The following PRELID2 variants were observed in gnomAD, a reference collection of about 807,000 sequenced individuals.
The protein encoded by PRELID2 is PRELI domain-containing protein 2.
In PRELID2, 25 loss-of-function variants were observed where a neutral mutation model predicts 28.4. The ratio of observed to expected loss-of-function variants is 0.88; its 90% CI spans 0.64 to 1.23. The LOEUF is 1.23. Ranked by LOEUF, PRELID2 falls within the 50% of genes most tolerant of loss-of-function variation. The pLI, the probability that PRELID2 is intolerant of heterozygous loss-of-function variation, is 0.00. For missense variants in PRELID2, 201 were observed against 214.4 expected, an observed-to-expected ratio of 0.94 and a Z score of 0.39; for synonymous variants, 76 against 71.6, an observed-to-expected ratio of 1.06 and a Z score of -0.31.
At chr5:145,476,602 G>T (rs551893685) in intron 1 of PRELID2, among the ~76,000 whole-genome samples, 4 of 151,982 alleles carry the variant, frequency 2.6e-5, no homozygotes, top group Non-Finnish European at 5.9e-5. Flanking sequence ...CCGAGATTGC[G>T]CCACTGCACT....
At chr5:145,724,596 AATAAATATATATATATATATAT>A (rs1407109875) in intron 1 of PRELID2, among the ~76,000 whole-genome samples, 7 of 28,354 alleles carry the variant, frequency 2.5e-4, no homozygotes, top group Admixed American at 5.8e-4. Context: ...ACAAGAAGTA[AATAAATATATATATATATATAT>A]ATATATATAT....
intron 1 of PRELID2, among the ~76,000 whole-genome samples, chr5:145,650,636 CA>C (rs1754278979): frequency 8.0e-6 from 1 of 124,878 alleles, no homozygotes; most frequent in Non-Finnish European, 1.6e-5. Flanking sequence ...CACAATATAA[CA>C]ACAAGCAAAC....
At chr5:145,262,447 G>A in the PRELID2 span, among the ~76,000 whole-genome samples, 1 of 152,016 alleles carries the variant, frequency 6.6e-6, no homozygotes, top group Non-Finnish European at 1.5e-5. Context: ...AAAAGCATCA[G>A]GTAACCTATA....
chr5:145,266,675 A>G, the PRELID2 span, among the ~76,000 whole-genome samples: 1 of 152,324 alleles, frequency 6.6e-6, no homozygotes, highest in Middle Eastern at 3.4e-3. Context: ...TTGATCCAGC[A>G]AGTCCACTCC....
At chr5:145,451,579 C>T in the PRELID2 span, among the ~76,000 whole-genome samples, 7 of 152,088 alleles carry the variant, frequency 4.6e-5, no homozygotes, top group Non-Finnish European at 1.0e-4. Context: ...CTGTGTCAAG[C>T]TCACAATAGT....
At chr5:145,741,955 T>C (rs1281736644) in intron 1 of PRELID2, among the ~76,000 whole-genome samples, 2 of 10,750 alleles carry the variant, frequency 1.9e-4, no homozygotes, top group African/African-American at 2.4e-4. Flanking sequence ...AAATTTATTA[T>C]AATTAAATAA....
At chr5:145,290,521 G>C in the PRELID2 span, among the ~76,000 whole-genome samples, 2 of 148,596 alleles carry the variant, frequency 1.3e-5, no homozygotes, top group South Asian at 2.2e-4. Context: ...AACACCACAT[G>C]TTCTCACTCA....
At chr5:145,341,932 A>G in the PRELID2 span, among the ~76,000 whole-genome samples, 1 of 152,198 alleles carries the variant, frequency 6.6e-6, no homozygotes, top group Non-Finnish European at 1.5e-5. Context: ...TAAAATGCAA[A>G]AGGATCTTCT....
At chr5:145,367,450 G>A in the PRELID2 span, among the ~76,000 whole-genome samples, 2 of 151,776 alleles carry the variant, frequency 1.3e-5, no homozygotes, top group African/African-American at 4.8e-5. Context: ...AACTTACACT[G>A]ATACATCATA....
downstream of PRELID2, among the ~76,000 whole-genome samples, chr5:145,469,952 A>G (rs906231663): frequency 2.0e-5 from 3 of 152,148 alleles, no homozygotes; most frequent in African/African-American, 7.2e-5. Context: ...TATCCTACAG[A>G]TATATTCACA....
At chr5:145,536,642 C>A (rs1752701475) in intron 1 of PRELID2, among the ~76,000 whole-genome samples, 1 of 151,850 alleles carries the variant, frequency 6.6e-6, no homozygotes, top group South Asian at 2.1e-4. Context: ...CCCTCGGAGT[C>A]CATAGGGGCC....
the PRELID2 span, among the ~76,000 whole-genome samples, chr5:145,231,081 G>GC: frequency 1.3e-5 from 2 of 152,128 alleles, no homozygotes; most frequent in African/African-American, 2.4e-5. Flanking sequence ...GGAAATCAGA[G>GC]CCCATCTTTC....
At chr5:145,233,021 A>G in the PRELID2 span, among the ~76,000 whole-genome samples, 1 of 151,854 alleles carries the variant, frequency 6.6e-6, no homozygotes, top group Non-Finnish European at 1.5e-5. Flanking sequence ...ACATATATAG[A>G]TATTTATACT....
intron 1 of PRELID2, among the ~76,000 whole-genome samples, chr5:145,641,664 C>G (rs935622589): frequency 1.3e-5 from 2 of 151,478 alleles, no homozygotes; most frequent in Non-Finnish European, 2.9e-5. Context: ...CTCCCCAAGC[C>G]CCCCAGGGGG....
At chr5:145,354,887 T>C in the PRELID2 span, among the ~76,000 whole-genome samples, 1 of 152,158 alleles carries the variant, frequency 6.6e-6, no homozygotes, top group African/African-American at 2.4e-5. Flanking sequence ...CATTGTTCAT[T>C]TGAGCTGCTC....
At chr5:145,371,651 CT>C in the PRELID2 span, among the ~76,000 whole-genome samples, 1 of 151,996 alleles carries the variant, frequency 6.6e-6, no homozygotes, top group African/African-American at 2.4e-5. Context: ...GGAGTCCCTT[CT>C]TTTCAATTCT....
Position 145,510,937 on chromosome 5 carries a change from T to C in PRELID2, n.71-37622A>G, listed in dbSNP as rs1403427535. Among the ~76,000 whole-genome samples, 8 of 152,294 alleles carry C rather than the reference T, an allele frequency of 5.3e-5. 1 individual carries two copies. The East Asian group carries it at 1.5e-3, about 29-fold the overall frequency. The stretch of plus-strand genomic sequence containing the variant: ...TGGAATTCAGCATCTCTACATGAAA[T>C]ATGCCAGATCCGTCAAGAGGCCAGA... On this transcript the variant is annotated intron_variant and non_coding_transcript_variant, in intron 1 of 2. Transcript: ENST00000510259.
intron 1 of PRELID2, among the ~76,000 whole-genome samples, chr5:145,559,165 G>C (rs1314415649): frequency 6.6e-6 from 1 of 151,848 alleles, no homozygotes; most frequent in Non-Finnish European, 1.5e-5. Context: ...TGAGGCAGGA[G>C]AATGGCATGA....
chr5:145,627,954 T>C (rs1484106220), intron 1 of PRELID2, among the ~76,000 whole-genome samples: 2 of 152,200 alleles, frequency 1.3e-5, no homozygotes, highest in African/African-American at 4.8e-5. Flanking sequence ...AAGTGTGCCA[T>C]GCTTCAATGT....
Sources: allele counts gnomAD v4.1 joint callset (sites outside exome capture counted in the v4.1 genomes callset), GRCh38; gene constraint gnomAD v4.1.1; transcripts MANE v1.5; gene names NCBI Gene and HGNC (gene_info 2026-07-23, HGNC 2026-07-21).